ALDH1A3: variants seen among roughly 807,000 people sequenced by gnomAD.
ALDH1A3 encodes retinaldehyde dehydrogenase 3.
In ALDH1A3, 28 loss-of-function variants were observed where a neutral mutation model predicts 57.5. The observed-to-expected ratio is 0.49, with a 90% CI of 0.36 to 0.67. The LOEUF is 0.67. Among genes scored for constraint, ALDH1A3 ranks in the 30% least tolerant of loss-of-function variants. The probability of loss-of-function intolerance (pLI) is 0.00; values close to 1 mark genes in which losing one functional copy is unlikely to be tolerated. For missense variants in ALDH1A3, 507 were observed against 669.4 expected, an observed-to-expected ratio of 0.76 and a Z score of 2.68; for synonymous variants, 281 against 264.8, an observed-to-expected ratio of 1.06 and a Z score of -0.59.
intron 12 of ALDH1A3, chr15:100,914,476 A>T: frequency 4.5e-6 from 2 of 446,452 alleles, no homozygotes; most frequent in Non-Finnish European, 8.1e-6. Flanking sequence ...TTTCAAAAGC[A>T]TCACACAGAA....
chr15:100,899,177 G>T (rs932090607), intron 8 of ALDH1A3, among the ~76,000 whole-genome samples: 1 of 152,204 alleles, frequency 6.6e-6, no homozygotes, highest in Non-Finnish European at 1.5e-5. Flanking sequence ...AAGGGGAGCT[G>T]GGTGTGAAGA....
rs753936013 is a variant in ALDH1A3, at chr15:100,905,680, A to C, written c.1226A>C (p.Lys409Thr). The C allele has an allele frequency of 1.9e-6, 3 of 1,577,860 alleles. No individual in the cohort carries two copies. The highest frequency in any genetic ancestry group is 2.4e-5 in the South Asian group (2 of 84,966). ...GTCACAGACAACATGCGGATTGCCA[A>C]AGAGGAGGTACAAGGGGGCTGTGGC... ...SEVTDNMRIA[K>T]EEIFGPVQPI... is the part of the protein sequence containing the mutation. The change falls in exon 10 of 13, where the codon AAA (lysine) becomes ACA (threonine). Residue 409 changes from lysine (K) to threonine (T), a missense_variant. Around this residue, in one of 2 missense-constraint regions of ALDH1A3, gnomAD observed 432 missense variants for 608.4 expected, o/e 0.71. Transcript: ENST00000329841.
At position 100,894,426 on chromosome 15, in the gene ALDH1A3, G is replaced by A. The variant is rs1297884995; in HGVS notation, c.666+344G>A. ...AGGTTCTCTGGGATTTGCATTCTCA[G>A]TTTATGAAATGGTCCATTTTTCTCT... is the stretch of plus-strand genomic sequence containing the variant. On this transcript the variant is annotated intron_variant, in intron 6 of 12. Transcript: ENST00000329841. This position sits in a 1 kb window ranked among gnomAD's most constrained non-coding sequence, Gnocchi z 4.5. The A allele has an allele frequency of 4.3e-6, 1 of 232,210 alleles. No homozygotes were observed. Among genetic ancestry groups the A allele is most frequent in the Non-Finnish European group, 8.5e-6 (1 of 117,102 alleles). 14.4% of individuals were successfully genotyped at this position (232,210 alleles called of 1,614,324 possible). A position where few individuals can be genotyped will look rare whatever the true frequency, so the allele number is the denominator to read the frequency against.
Position 100,903,407 on chromosome 15 carries a change from G to C in ALDH1A3, c.1069-2116G>C, listed in dbSNP as rs1347499293. Among the ~76,000 whole-genome samples, 4 of 152,304 alleles carry C rather than the reference G, an allele frequency of 2.6e-5. No homozygotes were observed. In the East Asian group the frequency reaches 7.7e-4, roughly 29 times the overall value. On this transcript the variant is annotated intron_variant, in intron 9 of 12. Transcript: ENST00000329841. ...ACCTGCCTGATTCTTTTTCACATGTGTATGGAATTCTGCTGGATGAAGCCA... is the reference window on the plus strand; with the variant it reads ...ACCTGCCTGATTCTTTTTCACATGTCTATGGAATTCTGCTGGATGAAGCCA...
At chr15:100,897,353 T>A (rs2041715272) in intron 7 of ALDH1A3, among the ~76,000 whole-genome samples, 1 of 151,400 alleles carries the variant, frequency 6.6e-6, no homozygotes, top group African/African-American at 2.4e-5. Flanking sequence ...AGCTCTGAAG[T>A]TCGTGGTGCT....
chr15:100,885,895 C>T (rs543150208), intron 2 of ALDH1A3, among the ~76,000 whole-genome samples: 4 of 152,296 alleles, frequency 2.6e-5, no homozygotes, highest in African/African-American at 9.6e-5. Flanking sequence ...AAGCGGTAAC[C>T]TTTATCACTC....
chr15:100,881,479 C>T (rs2141543614), intron 1 of ALDH1A3: 1 of 152,304 alleles, frequency 6.6e-6, no homozygotes, highest in South Asian at 2.1e-4. Flanking sequence ...TATATAGAAA[C>T]CAGACAGTAA....
intron 12 of ALDH1A3, among the ~76,000 whole-genome samples, chr15:100,909,024 A>C (rs1417311113): frequency 6.6e-6 from 1 of 151,800 alleles, no homozygotes; most frequent in African/African-American, 2.4e-5. Context: ...ATGCGTGTGC[A>C]AACCCACTGC....
chr15:100,885,440 C>T (rs1234043986), intron 2 of ALDH1A3, 69 bp downstream of exon 2: 6 of 1,231,778 alleles, frequency 4.9e-6, no homozygotes, highest in Admixed American at 3.6e-5. Flanking sequence ...GGAAACGGTT[C>T]GGCTTAGCTA....
Position 100,915,064 on chromosome 15 carries a change from G to T in ALDH1A3, c.*291G>T, listed in dbSNP as rs137974961. 1 of 404,224 alleles carries T rather than the reference G, an allele frequency of 2.5e-6. No individual in the cohort carries two copies. The highest frequency in any genetic ancestry group is 4.6e-6 in the Non-Finnish European group (1 of 216,716). The allele number at this position is 404,224 out of a possible 1,614,324, so 25.0% of individuals were successfully genotyped here. A position where few individuals can be genotyped will look rare whatever the true frequency, so the allele number is the denominator to read the frequency against. On this transcript the variant is annotated 3_prime_UTR_variant, in exon 13 of 13. Coordinates refer to ENST00000329841, the MANE Select transcript of ALDH1A3 (RefSeq NM_000693.4). Reference sequence around the variant, plus strand: ...CTGGAGACAGTGAGATACTCAGGGCGTTGTTAACAGGGAGTGGTATTTGAA... The same window carrying T: ...CTGGAGACAGTGAGATACTCAGGGCTTTGTTAACAGGGAGTGGTATTTGAA...
chr15:100,880,092 G>C, intron 1 of ALDH1A3, 86 bp downstream of exon 1: 4 of 1,025,226 alleles, frequency 3.9e-6, no homozygotes, highest in South Asian at 4.3e-5. Flanking sequence ...AGGGAGCAGC[G>C]GGCCGGGGGT....
chr15:100,895,880 C>G, intron 6 of ALDH1A3, 53 bp from the exon 7 acceptor site: 2 of 1,466,286 alleles, frequency 1.4e-6, no homozygotes, highest in South Asian at 2.4e-5. Flanking sequence ...AAATGTGGAT[C>G]CGTGGTGGAT....
rs754108631 is a variant in ALDH1A3 at position 100,892,934 on chromosome 15, C to CTT, written c.476-11_476-10insTT. On this transcript the variant is annotated splice_polypyrimidine_tract_variant and intron_variant, in intron 4 of 12. Transcript: ENST00000329841. Reference sequence around the variant, plus strand: ...GAGTGTGTCCTTCCCCACCATGTAACCCTCTTCCAGATGACAACGTCGTGT... The same window carrying CTT: ...GAGTGTGTCCTTCCCCACCATGTAACTTCCTCTTCCAGATGACAACGTCGTGT... The CTT allele has an allele frequency of 6.2e-7, 1 of 1,613,800 alleles. No homozygotes were observed. Among genetic ancestry groups the CTT allele is most frequent in the South Asian group, 1.1e-5 (1 of 91,028 alleles).
At chr15:100,901,443 C>T (rs564577057) in intron 9 of ALDH1A3, among the ~76,000 whole-genome samples, 2 of 152,312 alleles carry the variant, frequency 1.3e-5, no homozygotes, top group East Asian at 3.9e-4. Flanking sequence ...AGCCAAAGTC[C>T]TGCCCCAGCC....
rs116932723 is a variant in ALDH1A3 at position 100,891,606 on chromosome 15, G to A, written c.346-904G>A. Among the ~76,000 whole-genome samples, 575 of 152,388 alleles carry A rather than the reference G, an allele frequency of 3.8e-3. 10 individuals carry two copies. The highest frequency in any genetic ancestry group is 0.023 in the East Asian group (120 of 5,194). ...CTCAAAGGGTGAGACATCGGGGAGTGCGCTGGGGTTAAAGCCCTGGATCTG... is the reference window on the plus strand; with the variant it reads ...CTCAAAGGGTGAGACATCGGGGAGTACGCTGGGGTTAAAGCCCTGGATCTG... On this transcript the variant is annotated intron_variant, in intron 3 of 12. Transcript: ENST00000329841.
At chr15:100,914,644 T>C in intron 12 of ALDH1A3, 57 bp from the exon 13 acceptor site, 1 of 1,547,120 alleles carries the variant, frequency 6.5e-7, no homozygotes, top group South Asian at 1.2e-5. Flanking sequence ...GAACAGTTTC[T>C]ACACAATGGC....
In ALDH1A3 at chr15:100,897,985, C is replaced by G. The variant is rs549227708; in HGVS notation, c.781-98C>G. On this transcript the variant is annotated intron_variant, in intron 7 of 12. Transcript: ENST00000329841. ...CTGGGCCGAGAGCCAGGTGGTGGCA[C>G]TGCCACCCGGGCTTGATCAGAATGT... 18 of 1,163,838 alleles carry G rather than the reference C, an allele frequency of 1.5e-5. No homozygotes were observed. In the East Asian group the frequency reaches 3.6e-4, roughly 23 times the overall value. The allele number at this position is 1,163,838 out of a possible 1,614,324, so 72.1% of individuals were successfully genotyped here.
At chr15:100,901,050 G>A (rs2041763128) in intron 9 of ALDH1A3, among the ~76,000 whole-genome samples, 1 of 152,212 alleles carries the variant, frequency 6.6e-6, no homozygotes. Flanking sequence ...CAGAAAAGGG[G>A]CTGTAGGCTG....
chr15:100,880,509 C>T, intron 1 of ALDH1A3: 1 of 306,890 alleles, frequency 3.3e-6, no homozygotes, highest in Non-Finnish European at 6.0e-6. Context: ...GAAGCGGGTC[C>T]TCCGAGCAAA....
Sources: gnomAD v4.1 joint callset for allele counts (sites outside exome capture counted in the v4.1 genomes callset) on GRCh38, gnomAD v4.1.1 for gene constraint, gnomAD v4.1.1 regional missense constraint, Gnocchi (gnomAD v3.1) non-coding constraint, MANE v1.5 for transcripts, NCBI Gene and HGNC (gene_info 2026-07-23, HGNC 2026-07-21) for gene names.